BACH2: variants seen among roughly 807,000 people sequenced by gnomAD.
The protein encoded by BACH2 is BACH transcriptional regulator 2, also known as transcription regulator protein BACH2.
In BACH2, 5 loss-of-function variants were observed where a neutral mutation model predicts 61.8. The observed-to-expected ratio is 0.08, with a 90% CI of 0.04 to 0.17. BACH2 has a LOEUF of 0.17. Among genes scored for constraint, BACH2 ranks in the 10% least tolerant of loss-of-function variants. The probability of loss-of-function intolerance (pLI) is 1.00; values close to 1 mark genes in which losing one functional copy is unlikely to be tolerated. For synonymous variants in BACH2, 446 were observed against 440.1 expected (o/e 1.01, Z -0.17); for missense variants, 824 against 1,091.1 (o/e 0.76, Z 3.45).
At chr6:90,240,502 G>A (rs778245381) in intron 3 of BACH2, among the ~76,000 whole-genome samples, 33 of 152,050 alleles carry the variant, frequency 2.2e-4, no homozygotes, top group African/African-American at 5.8e-4. Context: ...TCTGCTTTAC[G>A]ATATTAAGAA....
At chr6:90,096,078 G>C (rs140626321) in intron 4 of BACH2, among the ~76,000 whole-genome samples, 5 of 152,272 alleles carry the variant, frequency 3.3e-5, no homozygotes, top group African/African-American at 1.2e-4. Context: ...TTTCCCATGT[G>C]CCACCAGTAA....
At chr6:90,012,050 C>G (rs1000645523) in intron 5 of BACH2, among the ~76,000 whole-genome samples, 5 of 151,146 alleles carry the variant, frequency 3.3e-5, no homozygotes, top group Non-Finnish European at 5.9e-5. Context: ...CCTACCTCAG[C>G]CTCCTAAAGT....
intron 4 of BACH2, among the ~76,000 whole-genome samples, chr6:90,201,227 G>A (rs1365406428): frequency 2.6e-5 from 4 of 152,100 alleles, no homozygotes; most frequent in Non-Finnish European, 4.4e-5. Context: ...GAAATTCTGG[G>A]ACAAAAGGTA....
At chr6:90,009,672 C>CT (rs888366831) in intron 5 of BACH2, among the ~76,000 whole-genome samples, 5 of 151,922 alleles carry the variant, frequency 3.3e-5, no homozygotes, top group Admixed American at 6.6e-5. Flanking sequence ...ATTTCTTTTT[C>CT]TTTTTTTTGA....
chr6:90,100,686 TACACACACACACACAG>T (rs1291762549), intron 4 of BACH2, among the ~76,000 whole-genome samples: 1 of 54,474 alleles, frequency 1.8e-5, no homozygotes, highest in East Asian at 2.9e-4. Flanking sequence ...TCTCTCTCTC[TACACACACACACACAG>T]ACACACACAC....
intron 3 of BACH2, among the ~76,000 whole-genome samples, chr6:90,219,194 C>A (rs1769652242): frequency 1.3e-5 from 2 of 152,148 alleles, no homozygotes; most frequent in Non-Finnish European, 2.9e-5. Flanking sequence ...AAAAGTCTTT[C>A]TTGTAAGTGT....
rs942063796 is a variant in BACH2, at chr6:90,008,997, C to A, written c.-12-141G>T. 2 of 1,013,246 alleles carry A rather than the reference C, an allele frequency of 2.0e-6. No homozygotes were observed. Among genetic ancestry groups the A allele is most frequent in the Non-Finnish European group, 2.8e-6 (2 of 710,024 alleles). 62.8% of individuals were successfully genotyped at this position (1,013,246 alleles called of 1,614,324 possible). ...AGCATGGCAGGAAGGAGGGGAATTACCAATCAGCATATTTGTGCTTACTCT... is the reference window on the plus strand; with the variant it reads ...AGCATGGCAGGAAGGAGGGGAATTAACAATCAGCATATTTGTGCTTACTCT... On this transcript the variant is annotated intron_variant, in intron 5 of 8. Transcript: ENST00000257749. The surrounding 1 kb of genome is among the most constrained non-coding windows in gnomAD (Gnocchi z 4.1).
chr6:90,212,517 G>T (rs2127852275), intron 3 of BACH2, among the ~76,000 whole-genome samples: 1 of 152,232 alleles, frequency 6.6e-6, no homozygotes, highest in South Asian at 2.1e-4. Flanking sequence ...ACTATAACAT[G>T]GTTCTGCCCC....
At position 89,926,963 on chromosome 6, in the gene BACH2, T is replaced by C. The variant is rs1049716904; in HGVS notation, c.*5445A>G. On this transcript the variant is annotated 3_prime_UTR_variant, in exon 9 of 9. Transcript: ENST00000257749. The stretch of plus-strand genomic sequence containing the variant: ...ACAGAGGGTTATACAGGTAGATATG[T>C]GTGAAAACTGTCCGTATTGTTCAAC... The C allele has an allele frequency of 2.6e-5, 4 of 152,774 alleles. No homozygotes were observed. Among genetic ancestry groups the C allele is most frequent in the Admixed American group, 6.5e-5 (1 of 15,282 alleles). The allele number at this position is 152,774 out of a possible 1,614,324, so 9.5% of individuals were successfully genotyped here. A position where few individuals can be genotyped will look rare whatever the true frequency, so the allele number is the denominator to read the frequency against.
At chr6:90,258,547 G>C (rs1284645112) in intron 2 of BACH2, among the ~76,000 whole-genome samples, 1 of 151,838 alleles carries the variant, frequency 6.6e-6, no homozygotes, top group East Asian at 1.9e-4. Flanking sequence ...GGCTATTCAG[G>C]GTCTTTCATG....
At chr6:90,249,420 C>G (rs1005857349) in intron 3 of BACH2, among the ~76,000 whole-genome samples, 1 of 152,198 alleles carries the variant, frequency 6.6e-6, no homozygotes, top group African/African-American at 2.4e-5. Context: ...TTTGTGCCAA[C>G]TACCTAACAG....
At chr6:89,966,403 T>C (rs1775049231) in intron 6 of BACH2, among the ~76,000 whole-genome samples, 1 of 152,244 alleles carries the variant, frequency 6.6e-6, no homozygotes, top group Non-Finnish European at 1.5e-5. Flanking sequence ...ATCTGTGCTC[T>C]GTGAGGATTT....
chr6:89,950,500 A>G lies in BACH2; in HGVS notation c.1606T>C (p.Ser536Pro). Residue 536 changes from serine (S) to proline (P), a missense_variant, in exon 7 of 9, where the codon TCA becomes CCA. Ser to Pro is a moderately conservative substitution (Grantham distance 74). Around this residue, in one of 8 missense-constraint regions of BACH2, gnomAD observed 160 missense variants for 283.5 expected, o/e 0.56. Coordinates refer to ENST00000257749, the MANE Select transcript of BACH2 (RefSeq NM_021813.4). This position sits in a 1 kb window ranked among gnomAD's most constrained non-coding sequence, Gnocchi z 5.3. The stretch of plus-strand genomic sequence containing the variant: ...TCACAGAGAGGGAGGCTGCAGGGTG[A>G]GCCCCCGCTCCCGTCCTCCGCGTAG... The part of the protein sequence containing the change: ...YSYAEDGSGG[S>P]PCSLPLCEFS... The G allele has an allele frequency of 6.2e-7, 1 of 1,614,022 alleles. No homozygotes were observed. Among genetic ancestry groups the G allele is most frequent in the Non-Finnish European group, 8.5e-7 (1 of 1,179,930 alleles).
intron 5 of BACH2, among the ~76,000 whole-genome samples, chr6:90,088,639 C>T (rs1782029136): frequency 6.6e-6 from 1 of 152,180 alleles, no homozygotes; most frequent in Non-Finnish European, 1.5e-5. Flanking sequence ...GGACCAGCTG[C>T]ATCAGCCTCA....
At chr6:90,208,903 G>A (rs1362745761) in intron 3 of BACH2, among the ~76,000 whole-genome samples, 1 of 152,126 alleles carries the variant, frequency 6.6e-6, no homozygotes, top group Non-Finnish European at 1.5e-5. Context: ...GTCCTTTGCA[G>A]GGATATGGAG....
intron 4 of BACH2, among the ~76,000 whole-genome samples, chr6:90,198,362 G>C (rs753936996): frequency 2.6e-5 from 4 of 152,062 alleles, no homozygotes; most frequent in South Asian, 2.1e-4. Flanking sequence ...ACTCTCCTCC[G>C]ACCTCAGTTA....
chr6:90,033,696 C>G (rs554471668), intron 5 of BACH2, among the ~76,000 whole-genome samples: 2 of 151,974 alleles, frequency 1.3e-5, no homozygotes, highest in Non-Finnish European at 2.9e-5. Flanking sequence ...AAGATGCTCA[C>G]CTGTTAAAAA....
intron 2 of BACH2, among the ~76,000 whole-genome samples, chr6:90,260,801 C>T (rs772937826): frequency 6.6e-6 from 1 of 152,144 alleles, no homozygotes; most frequent in Non-Finnish European, 1.5e-5. Flanking sequence ...GTCCTTCAAA[C>T]CACACCTATG....
At chr6:90,076,469 C>T (rs1781476043) in intron 5 of BACH2, among the ~76,000 whole-genome samples, 1 of 152,194 alleles carries the variant, frequency 6.6e-6, no homozygotes, top group Non-Finnish European at 1.5e-5. Context: ...CACATGTACA[C>T]ATTTGTAACT....
Sources: allele counts gnomAD v4.1 joint callset (sites outside exome capture counted in the v4.1 genomes callset), GRCh38; gene constraint gnomAD v4.1.1; regional missense constraint gnomAD v4.1.1; non-coding constraint Gnocchi (gnomAD v3.1); transcripts MANE v1.5; gene names NCBI Gene and HGNC (gene_info 2026-07-23, HGNC 2026-07-21).